GRM7: variants seen among roughly 807,000 people sequenced by gnomAD.
The protein encoded by GRM7 is metabotropic glutamate receptor 7.
Under a neutral mutation model 84.5 loss-of-function variants are expected in GRM7, and 35 were observed. The ratio of observed to expected loss-of-function variants is 0.41; its 90% CI spans 0.32 to 0.55. GRM7 has a LOEUF of 0.55. GRM7 is among the 20% of genes least tolerant of loss of function. The pLI is 0.19. For synonymous variants in GRM7, 487 were observed against 455.1 expected (o/e 1.07, Z -0.89); for missense variants, 1,003 against 1,194.6 (o/e 0.84, Z 2.36).
At chr3:6,888,242 C>G (rs1188503652) in intron 1 of GRM7, among the ~76,000 whole-genome samples, 1 of 152,014 alleles carries the variant, frequency 6.6e-6, no homozygotes, top group East Asian at 1.9e-4. Flanking sequence ...TTAATTAGAT[C>G]CCATTTGTCA....
chr3:7,470,632 C>T (rs778759250), intron 7 of GRM7, among the ~76,000 whole-genome samples: 2 of 152,096 alleles, frequency 1.3e-5, no homozygotes, highest in Non-Finnish European at 1.5e-5. Context: ...AAGCAAATCA[C>T]TTCATGTTTA....
At chr3:7,287,117 A>G (rs1699458787) in intron 2 of GRM7, among the ~76,000 whole-genome samples, 1 of 152,116 alleles carries the variant, frequency 6.6e-6, no homozygotes, top group African/African-American at 2.4e-5. Flanking sequence ...AAAGAAAGCT[A>G]TTTTCAGAAT....
intron 1 of GRM7, among the ~76,000 whole-genome samples, chr3:7,061,690 C>G (rs1462175915): frequency 6.6e-6 from 1 of 151,674 alleles, no homozygotes; most frequent in East Asian, 1.9e-4. Context: ...ATAGGATAAG[C>G]AAGGACTGAC....
chr3:6,946,721 C>A (rs1253812246), intron 1 of GRM7, among the ~76,000 whole-genome samples: 1 of 152,086 alleles, frequency 6.6e-6, no homozygotes, highest in South Asian at 2.1e-4. Context: ...TTGTTTATAT[C>A]CTCTTTTATT....
At chr3:7,655,624 C>A (rs996390765) in intron 8 of GRM7, among the ~76,000 whole-genome samples, 1 of 152,138 alleles carries the variant, frequency 6.6e-6, no homozygotes, top group Admixed American at 6.5e-5. Context: ...AAGTGCATTG[C>A]CCATAGAGAG....
At chr3:7,422,142 C>T (rs1034539926) in intron 5 of GRM7, among the ~76,000 whole-genome samples, 1 of 151,990 alleles carries the variant, frequency 6.6e-6, no homozygotes, top group Non-Finnish European at 1.5e-5. Context: ...GCTCAGTGTT[C>T]TATCCCTTTA....
At chr3:7,680,856 T>C (rs1700340162) in intron 9 of GRM7, 1 of 154,504 alleles carries the variant, frequency 6.5e-6, no homozygotes, top group Admixed American at 6.4e-5. Flanking sequence ...GGGAAAAACA[T>C]ATCTACCATA....
intron 9 of GRM7, among the ~76,000 whole-genome samples, chr3:7,730,503 T>A (rs1702289559): frequency 1.3e-5 from 2 of 152,368 alleles, no homozygotes; most frequent in African/African-American, 4.8e-5. Flanking sequence ...GGATATGGAC[T>A]ATTTTTCCTT....
chr3:7,446,304 G>A (rs1480919825), intron 5 of GRM7, among the ~76,000 whole-genome samples: 1 of 152,108 alleles, frequency 6.6e-6, no homozygotes, highest in East Asian at 1.9e-4. Context: ...GCCTTATGCT[G>A]GTTGTTCAGA....
chr3:7,024,016 G>C (rs1200822115), intron 1 of GRM7, among the ~76,000 whole-genome samples: 1 of 152,134 alleles, frequency 6.6e-6, no homozygotes. Flanking sequence ...TTATGGAAGA[G>C]GCGCAAACCA....
intron 4 of GRM7, among the ~76,000 whole-genome samples, chr3:7,373,792 C>A (rs1694234299): frequency 1.4e-5 from 2 of 145,202 alleles, no homozygotes; most frequent in African/African-American, 5.4e-5. Flanking sequence ...GTTCAACAGA[C>A]CGTTCTGTGA....
At chr3:7,111,928 CA>C (rs1692866229) in intron 1 of GRM7, among the ~76,000 whole-genome samples, 1 of 152,116 alleles carries the variant, frequency 6.6e-6, no homozygotes, top group African/African-American at 2.4e-5. Flanking sequence ...AGTCCCGTTT[CA>C]GGGCCTTTTA....
chr3:7,407,328 T>C (rs1187249623), intron 4 of GRM7, among the ~76,000 whole-genome samples: 1 of 151,464 alleles, frequency 6.6e-6, no homozygotes, highest in African/African-American at 2.5e-5. Context: ...GGTCATTTTA[T>C]GTTTCATTCT....
chr3:7,546,519 G>A (rs143402888), intron 7 of GRM7, among the ~76,000 whole-genome samples: 84 of 152,314 alleles, frequency 5.5e-4, no homozygotes, highest in African/African-American at 1.8e-3. Context: ...GTAACACAGC[G>A]TCAAGGCTGC....
intron 4 of GRM7, among the ~76,000 whole-genome samples, chr3:7,376,134 G>T (rs561577629): frequency 6.6e-6 from 1 of 152,226 alleles, no homozygotes; most frequent in South Asian, 2.1e-4. Flanking sequence ...AAATTTTTCT[G>T]CTGACTTAGT....
chr3:7,315,308 A>T (rs1035315555), intron 4 of GRM7, among the ~76,000 whole-genome samples: 1 of 152,180 alleles, frequency 6.6e-6, no homozygotes, highest in Non-Finnish European at 1.5e-5. Context: ...TGCCCTGGAC[A>T]TGCCCGTGGG....
chr3:6,998,934 C>T (rs1694918361), intron 1 of GRM7, among the ~76,000 whole-genome samples: 1 of 152,234 alleles, frequency 6.6e-6, no homozygotes, highest in Non-Finnish European at 1.5e-5. Context: ...ATGTCTCTGA[C>T]ATGCCCTAGA....
At chr3:7,513,200 TGTC>T (rs1323975799) in intron 7 of GRM7, among the ~76,000 whole-genome samples, 1 of 152,130 alleles carries the variant, frequency 6.6e-6, no homozygotes, top group African/African-American at 2.4e-5. Context: ...CAGTTAGTAG[TGTC>T]GTCAATTTCC....
At chr3:6,970,819 C>T (rs1693723287) in intron 1 of GRM7, among the ~76,000 whole-genome samples, 1 of 151,892 alleles carries the variant, frequency 6.6e-6, no homozygotes, top group African/African-American at 2.4e-5. Context: ...TTCTACTAAA[C>T]AAAATACAAA....
Sources: gnomAD v4.1 joint callset for allele counts (sites outside exome capture counted in the v4.1 genomes callset) on GRCh38, gnomAD v4.1.1 for gene constraint, MANE v1.5 for transcripts, NCBI Gene and HGNC (gene_info 2026-07-23, HGNC 2026-07-21) for gene names.